GLIS3: variants seen among roughly 807,000 people sequenced by gnomAD.
The protein encoded by GLIS3 is zinc finger protein GLIS3.
GLIS3 carries 53 observed loss-of-function variants against 78.6 expected under a neutral mutation model. The ratio of observed to expected loss-of-function variants is 0.67; its 90% CI spans 0.54 to 0.85. GLIS3 has a LOEUF of 0.85. Among genes scored for constraint, GLIS3 ranks in the 40% least tolerant of loss-of-function variants. The probability of loss-of-function intolerance (pLI) is 0.00; values close to 1 mark genes in which losing one functional copy is unlikely to be tolerated. For missense variants in GLIS3, 1,703 were observed against 1,231.1 expected (o/e 1.38, Z -5.74); for synonymous variants, 684 against 509.9 (o/e 1.34, Z -4.60).
intron 4 of GLIS3, among the ~76,000 whole-genome samples, chr9:4,070,323 G>T (rs751877644): frequency 6.6e-6 from 1 of 152,160 alleles, no homozygotes; most frequent in Admixed American, 6.5e-5. Context: ...CTTTGCACCA[G>T]GGAAAACTAG....
the GLIS3 span, among the ~76,000 whole-genome samples, chr9:4,465,939 A>G: frequency 6.6e-6 from 1 of 152,336 alleles, no homozygotes; most frequent in African/African-American, 2.4e-5. Flanking sequence ...AGAGTAAAAG[A>G]TCACAGAGAT....
chr9:3,993,600 T>C (rs991618780), intron 4 of GLIS3, among the ~76,000 whole-genome samples: 1 of 152,168 alleles, frequency 6.6e-6, no homozygotes, highest in Non-Finnish European at 1.5e-5. Flanking sequence ...ATTCCCTAGG[T>C]TCCTAATGAA....
the GLIS3 span, among the ~76,000 whole-genome samples, chr9:4,438,140 T>C: frequency 4.6e-5 from 7 of 152,328 alleles, no homozygotes; most frequent in East Asian, 1.4e-3. Context: ...TGAACACTTA[T>C]GCTAAATAAA....
chr9:4,084,694 C>G (rs2130717855), intron 4 of GLIS3, among the ~76,000 whole-genome samples: 1 of 152,258 alleles, frequency 6.6e-6, no homozygotes, highest in African/African-American at 2.4e-5. Context: ...AAGTTATAAA[C>G]AACAGAAGCA....
At chr9:4,082,533 A>T (rs1828643992) in intron 4 of GLIS3, among the ~76,000 whole-genome samples, 1 of 152,166 alleles carries the variant, frequency 6.6e-6, no homozygotes, top group South Asian at 2.1e-4. Flanking sequence ...TTAAGCTAAC[A>T]CCTCAGCAAG....
At chr9:3,898,958 G>T in intron 6 of GLIS3, 123 bp from the exon 7 acceptor site, 1 of 1,198,562 alleles carries the variant, frequency 8.3e-7, no homozygotes, top group Non-Finnish European at 1.2e-6. Flanking sequence ...CAGCAACTAC[G>T]GGTAAGGCAC....
intron 6 of GLIS3, among the ~76,000 whole-genome samples, chr9:3,907,655 C>CACACA (rs758113264): frequency 1.3e-3 from 186 of 146,284 alleles, no homozygotes; most frequent in African/African-American, 4.0e-3. Flanking sequence ...CACACACACA[C>CACACA]TACTAAACAG....
chr9:3,972,760 GT>G (rs1818478348), intron 4 of GLIS3, among the ~76,000 whole-genome samples: 2 of 152,132 alleles, frequency 1.3e-5, no homozygotes, highest in African/African-American at 4.8e-5. Flanking sequence ...GTATTAGTAA[GT>G]TTATATGTTT....
At chr9:4,083,735 AG>A (rs1433207669) in intron 4 of GLIS3, among the ~76,000 whole-genome samples, 6 of 152,234 alleles carry the variant, frequency 3.9e-5, no homozygotes, top group Non-Finnish European at 8.8e-5. Flanking sequence ...CAAAAACACA[AG>A]AAAAAATCCA....
the GLIS3 span, among the ~76,000 whole-genome samples, chr9:4,444,956 G>C: frequency 2.6e-5 from 4 of 152,124 alleles, no homozygotes; most frequent in African/African-American, 7.2e-5. Context: ...AAAAATATAC[G>C]ACTATTTTTT....
At chr9:4,408,904 A>T in the GLIS3 span, among the ~76,000 whole-genome samples, 1 of 152,034 alleles carries the variant, frequency 6.6e-6, no homozygotes, top group African/African-American at 2.4e-5. Flanking sequence ...GTTTTCCATG[A>T]TGGGATTACT....
intron 6 of GLIS3, among the ~76,000 whole-genome samples, chr9:3,919,513 G>GA (rs1478231905): frequency 2.6e-5 from 4 of 151,736 alleles, no homozygotes; most frequent in Admixed American, 2.6e-4. Flanking sequence ...AGGAGAATCA[G>GA]AAAAAATAAC....
intron 2 of GLIS3, chr9:4,147,668 T>G (rs201363055): frequency 7.0e-6 from 1 of 142,384 alleles, no homozygotes; most frequent in Non-Finnish European, 1.5e-5. Context: ...AATGACTCCC[T>G]TCAAGGGGAA....
intron 4 of GLIS3, among the ~76,000 whole-genome samples, chr9:4,086,950 G>T (rs376260696): frequency 6.6e-6 from 1 of 152,072 alleles, no homozygotes; most frequent in African/African-American, 2.4e-5. Context: ...ACCCGTAGAC[G>T]GCAGAGGCTC....
At chr9:4,232,382 T>TAAAAAAAAAA (rs56725850) in intron 2 of GLIS3, among the ~76,000 whole-genome samples, 1 of 101,670 alleles carries the variant, frequency 9.8e-6, no homozygotes, top group Admixed American at 1.1e-4. Context: ...CCTTGTCTCT[T>TAAAAAAAAAA]AAAAAAAAAA....
At chr9:4,434,440 T>G in the GLIS3 span, among the ~76,000 whole-genome samples, 5 of 152,164 alleles carry the variant, frequency 3.3e-5, no homozygotes, top group African/African-American at 1.2e-4. Context: ...TCCTAAGAGA[T>G]AATATCTGAG....
At chr9:4,204,847 G>T (rs562233882) in intron 2 of GLIS3, among the ~76,000 whole-genome samples, 1 of 149,374 alleles carries the variant, frequency 6.7e-6, no homozygotes, top group South Asian at 2.2e-4. Context: ...CCGGAAGGCG[G>T]AGGTTGCAGC....
In GLIS3 at chr9:4,140,893, G is replaced by C. The variant is rs146942950; in HGVS notation, c.389-14952C>G. On this transcript the variant is annotated intron_variant, in intron 2 of 10. Transcript: ENST00000381971. ...AGCTCACTGCAACCTCCGCCTCCTGGGTTCAAGCGATTCTCCTGCCTCAGC... is the reference window on the plus strand; with the variant it reads ...AGCTCACTGCAACCTCCGCCTCCTGCGTTCAAGCGATTCTCCTGCCTCAGC... Among the ~76,000 whole-genome samples the C allele has an allele frequency of 7.9e-5, 12 of 151,852 alleles. No individual in the cohort carries two copies. The East Asian group carries it at 2.3e-3, about 29-fold the overall frequency.
chr9:4,201,934 G>A (rs7868953), intron 2 of GLIS3, among the ~76,000 whole-genome samples: 14 of 151,934 alleles, frequency 9.2e-5, no homozygotes, highest in Non-Finnish European at 1.8e-4. Flanking sequence ...TCAGGCGTTC[G>A]AGACCAGCCT....
Sources: gnomAD v4.1 joint callset for allele counts (sites outside exome capture counted in the v4.1 genomes callset) on GRCh38, gnomAD v4.1.1 for gene constraint, MANE v1.5 for transcripts, NCBI Gene and HGNC (gene_info 2026-07-23, HGNC 2026-07-21) for gene names.